Variants in GAD1 observed in about 807,000 individuals in gnomAD.
GAD1 encodes glutamate decarboxylase 1.
In GAD1, 35 loss-of-function variants were observed where a neutral mutation model predicts 75.2. The ratio of observed to expected loss-of-function variants is 0.47; its 90% CI spans 0.36 to 0.62. GAD1 has a LOEUF of 0.62. Among genes scored for constraint, GAD1 ranks in the 20% least tolerant of loss-of-function variants. GAD1 has a pLI of 0.00. For missense variants in GAD1, 490 were observed against 758.5 expected, an observed-to-expected ratio of 0.65 and a Z score of 4.16; for synonymous variants, 257 against 271.9, an observed-to-expected ratio of 0.95 and a Z score of 0.54.
At chr2:170,857,266 A>C in intron 15 of GAD1, 141 bp downstream of exon 15, 2 of 653,540 alleles carry the variant, frequency 3.1e-6, no homozygotes, top group Non-Finnish European at 5.4e-6. Context: ...TACACTCTTA[A>C]TTCCTCTCTT....
At chr2:170,837,364 C>A (rs1702402584) in intron 6 of GAD1, among the ~76,000 whole-genome samples, 2 of 152,182 alleles carry the variant, frequency 1.3e-5, no homozygotes, top group Admixed American at 6.5e-5. Flanking sequence ...AGTATATATT[C>A]TTTTCAAAAT....
At chr2:170,828,686 C>T (rs1702122292) in intron 3 of GAD1, among the ~76,000 whole-genome samples, 1 of 127,954 alleles carries the variant, frequency 7.8e-6, no homozygotes, top group South Asian at 2.9e-4. Flanking sequence ...CTGTTGTCCT[C>T]ACCCTCCTCC....
chr2:170,831,048 T>C lies in GAD1; in HGVS notation c.403T>C (p.Ser135Pro), dbSNP rs1218015372. ...CTATGTCCGCAAGACATTTGATCGC[T>C]CCACCAAGGTGCTGGACTTTCATCA... ...LNYVRKTFDR[S>P]TKVLDFHHPH... The change falls in exon 5 of 17, where the codon TCC (serine) becomes CCC (proline). Residue 135 changes from serine (S) to proline (P), a missense_variant. This residue lies in a region of GAD1 where 165 missense variants were observed against 216.4 expected (regional missense o/e 0.76). Transcript: ENST00000358196. 9.9e-6 allele frequency: 16 copies of C among 1,614,196 alleles called. No individual in the cohort carries two copies. The highest frequency in any genetic ancestry group is 1.4e-5 in the Non-Finnish European group (16 of 1,180,040).
chr2:170,823,056 C>T (rs1487671179), intron 3 of GAD1, among the ~76,000 whole-genome samples: 1 of 152,232 alleles, frequency 6.6e-6, no homozygotes, highest in African/African-American at 2.4e-5. Context: ...AACAATGAGG[C>T]CTCACTTTCC....
chr2:170,818,457 C>A lies in GAD1; in HGVS notation c.-63-72C>A. On this transcript the variant is annotated intron_variant, in intron 1 of 16. Transcript: ENST00000358196. This position sits in a 1 kb window ranked among gnomAD's most constrained non-coding sequence, Gnocchi z 5.9. ...ATCTTCAAGGGGAGCCTCCGTGCCC[C>A]CGGCTGCTCAGTCCCTCCGGTGTGC... The A allele has an allele frequency of 1.2e-6, 1 of 819,294 alleles. No homozygotes were observed. The highest frequency in any genetic ancestry group is 2.1e-6 in the Non-Finnish European group (1 of 465,742). 50.8% of individuals were successfully genotyped at this position (819,294 alleles called of 1,614,324 possible). A position where few individuals can be genotyped will look rare whatever the true frequency, so the allele number is the denominator to read the frequency against.
At position 170,848,755 on chromosome 2, in the gene GAD1, G is replaced by C. The variant is rs1281482133; in HGVS notation, c.1120-531G>C. ...TGAACTAATGACTAACAAAGGCTGTGTCACGTGGCATCCCAACTATTCAGT... is the reference window on the plus strand; with the variant it reads ...TGAACTAATGACTAACAAAGGCTGTCTCACGTGGCATCCCAACTATTCAGT... On this transcript the variant is annotated intron_variant, in intron 11 of 16. Transcript: ENST00000358196. 7.7e-6 allele frequency: 4 copies of C among 518,930 alleles called. No homozygotes were observed. In the Admixed American group the frequency reaches 7.8e-5, roughly 10 times the overall value. 32.1% of individuals were successfully genotyped at this position (518,930 alleles called of 1,614,324 possible).
Position 170,816,972 on chromosome 2 carries a change from A to AGGGCC in GAD1, c.-138_-134dup, listed in dbSNP as rs1396330299. 1 of 196,290 alleles carries AGGGCC rather than the reference A, an allele frequency of 5.1e-6. No homozygotes were observed. Among genetic ancestry groups the AGGGCC allele is most frequent in the East Asian group, 1.0e-4 (1 of 9,666 alleles). The allele number at this position is 196,290 out of a possible 1,614,324, so 12.2% of individuals were successfully genotyped here. On this transcript the variant is annotated 5_prime_UTR_variant, in exon 1 of 17. Coordinates refer to ENST00000358196, the MANE Select transcript of GAD1 (RefSeq NM_000817.3). ...TGACGCCGGGCAGATTACGCCTGTC[A>AGGGCC]GGGCCGAGCCGAGCGGATCGCTGGG...
intron 5 of GAD1, among the ~76,000 whole-genome samples, chr2:170,834,909 A>T (rs1702334294): frequency 6.6e-6 from 1 of 151,806 alleles, no homozygotes; most frequent in African/African-American, 2.4e-5. Context: ...AGCTGGGATT[A>T]TAGGTGCACG....
intron 2 of GAD1, among the ~76,000 whole-genome samples, chr2:170,819,959 G>A (rs544628950): frequency 2.0e-5 from 3 of 148,536 alleles, no homozygotes; most frequent in Non-Finnish European, 4.5e-5. Context: ...CCCTCTTCCC[G>A]CCACCCAGGA....
At chr2:170,827,120 T>G (rs1702044098) in intron 3 of GAD1, among the ~76,000 whole-genome samples, 1 of 152,152 alleles carries the variant, frequency 6.6e-6, no homozygotes. Context: ...TTTCCCCTTC[T>G]TCCCTCCAGA....
chr2:170,831,824 A>G (rs1409497815), intron 5 of GAD1, among the ~76,000 whole-genome samples: 1 of 147,180 alleles, frequency 6.8e-6, no homozygotes, highest in African/African-American at 2.5e-5. Flanking sequence ...ATATTTATAT[A>G]TATATGAAAA....
chr2:170,827,172 G>A lies in GAD1; in HGVS notation c.146-2303G>A, dbSNP rs183307857. Among the ~76,000 whole-genome samples the A allele has an allele frequency of 1.7e-3, 260 of 152,090 alleles. 1 individual carries two copies. Among genetic ancestry groups the A allele is most frequent in the Admixed American group, 4.5e-3 (68 of 15,272 alleles). On this transcript the variant is annotated intron_variant, in intron 3 of 16. Coordinates refer to ENST00000358196, the MANE Select transcript of GAD1 (RefSeq NM_000817.3). Reference sequence around the variant, plus strand: ...CTTGTGTGGGAGGATTCTAATCACCGCAGCCCTCCCATGCATCCCCCCTTC... The same window carrying A: ...CTTGTGTGGGAGGATTCTAATCACCACAGCCCTCCCATGCATCCCCCCTTC...
At chr2:170,845,860 T>C (rs1702620095) in intron 9 of GAD1, 75 bp downstream of exon 9, 1 of 1,510,426 alleles carries the variant, frequency 6.6e-7, no homozygotes, top group African/African-American at 1.4e-5. Context: ...TTTATTGTGC[T>C]TAAGGACTGG....
At chr2:170,851,633 A>AG (rs1356832552) in intron 12 of GAD1, among the ~76,000 whole-genome samples, 1 of 152,236 alleles carries the variant, frequency 6.6e-6, no homozygotes, top group African/African-American at 2.4e-5. Flanking sequence ...TGCTCTATCT[A>AG]GGGGAAAAGA....
intron 5 of GAD1, among the ~76,000 whole-genome samples, chr2:170,831,810 T>C (rs1325656185): frequency 3.4e-5 from 5 of 146,224 alleles, no homozygotes; most frequent in African/African-American, 1.2e-4. Flanking sequence ...ATATAAATTA[T>C]ATAATATTTA....
intron 10 of GAD1, among the ~76,000 whole-genome samples, chr2:170,847,251 A>G (rs1702652223): frequency 6.6e-6 from 1 of 152,280 alleles, no homozygotes; most frequent in African/African-American, 2.4e-5. Context: ...GGTGATATTC[A>G]GAACTATCTG....
intron 1 of GAD1, chr2:170,817,258 T>A (rs1294478475): frequency 9.7e-6 from 1 of 102,906 alleles, no homozygotes; most frequent in African/African-American, 3.0e-5. Context: ...GTCACTCTTC[T>A]TATCCCTGCC....
At chr2:170,837,879 A>G (rs919502428) in intron 6 of GAD1, among the ~76,000 whole-genome samples, 2 of 152,226 alleles carry the variant, frequency 1.3e-5, no homozygotes, top group Admixed American at 6.5e-5. Flanking sequence ...GAGAAAATCC[A>G]TTTGATATCA....
chr2:170,829,957 G>A (rs867442200), intron 4 of GAD1: 5 of 346,932 alleles, frequency 1.4e-5, no homozygotes, highest in Admixed American at 4.5e-5. Flanking sequence ...CCTTAATAAC[G>A]TTTATCCTGG....
Sources: gnomAD v4.1 joint callset for allele counts (sites outside exome capture counted in the v4.1 genomes callset) on GRCh38, gnomAD v4.1.1 for gene constraint, gnomAD v4.1.1 regional missense constraint, Gnocchi (gnomAD v3.1) non-coding constraint, MANE v1.5 for transcripts, NCBI Gene and HGNC (gene_info 2026-07-23, HGNC 2026-07-21) for gene names.